The following CTNND2 variants were observed in gnomAD, a reference collection of about 807,000 sequenced individuals.
The protein encoded by CTNND2 is catenin delta 2, also known as catenin delta-2.
Under a neutral mutation model 144.4 loss-of-function variants are expected in CTNND2, and 22 were observed. The observed-to-expected ratio is 0.15, with a 90% CI of 0.11 to 0.22. CTNND2 has a LOEUF of 0.22. Ranked by LOEUF, CTNND2 falls within the 10% of genes least tolerant of loss-of-function variation. The pLI is 1.00. For missense variants in CTNND2, 1,353 were observed against 1,618.8 expected, an observed-to-expected ratio of 0.84 and a Z score of 2.82; for synonymous variants, 751 against 695.6, an observed-to-expected ratio of 1.08 and a Z score of -1.25.
chr5:11,204,462 G>T lies in CTNND2; in HGVS notation c.1762-4801C>A, dbSNP rs531063204. 3.3e-5 allele frequency among the ~76,000 whole-genome samples: 5 copies of T among 152,274 alleles called. No homozygotes were observed. The South Asian group carries it at 6.2e-4, about 19-fold the overall frequency. ...ATCTTCCTTGTTTTTTCCTTAAAAGGTAGAATATATCTAAGCCTTTCAAAT... is the reference window on the plus strand; with the variant it reads ...ATCTTCCTTGTTTTTTCCTTAAAAGTTAGAATATATCTAAGCCTTTCAAAT... On this transcript the variant is annotated intron_variant, in intron 10 of 21. Coordinates refer to ENST00000304623, the MANE Select transcript of CTNND2 (RefSeq NM_001332.4).
chr5:11,535,840 A>C (rs1176512287), intron 3 of CTNND2, among the ~76,000 whole-genome samples: 2 of 152,212 alleles, frequency 1.3e-5, no homozygotes, highest in East Asian at 3.9e-4. Context: ...ACTTACAACT[A>C]ATCAGGTGAC....
intron 9 of CTNND2, among the ~76,000 whole-genome samples, chr5:11,247,204 C>T (rs1743090574): frequency 6.6e-6 from 1 of 152,130 alleles, no homozygotes; most frequent in African/African-American, 2.4e-5. Context: ...GGGGCAGGAG[C>T]TGAGAGCAGT....
At chr5:11,264,145 A>G (rs1364376596) in intron 9 of CTNND2, among the ~76,000 whole-genome samples, 1 of 152,232 alleles carries the variant, frequency 6.6e-6, no homozygotes, top group Non-Finnish European at 1.5e-5. Flanking sequence ...TATCTAATAT[A>G]TAGTTTAAAA....
intron 12 of CTNND2, among the ~76,000 whole-genome samples, chr5:11,130,078 AC>A (rs752262596): frequency 1.3e-4 from 20 of 152,220 alleles, no homozygotes; most frequent in Non-Finnish European, 2.5e-4. Flanking sequence ...TATGCACCTT[AC>A]TGTCTTCTCC....
intron 18 of CTNND2, among the ~76,000 whole-genome samples, chr5:10,998,321 T>C (rs1017686218): frequency 7.2e-5 from 11 of 152,234 alleles, no homozygotes; most frequent in Middle Eastern, 6.8e-3. Flanking sequence ...CCTGTGGGTA[T>C]AGGCACTTTG....
intron 1 of CTNND2, among the ~76,000 whole-genome samples, chr5:11,769,871 C>T (rs967972729): frequency 6.6e-6 from 1 of 152,158 alleles, no homozygotes; most frequent in Non-Finnish European, 1.5e-5. Flanking sequence ...TGTTTTCCAA[C>T]CCCACTGATT....
intron 3 of CTNND2, among the ~76,000 whole-genome samples, chr5:11,457,486 C>T (rs1305974640): frequency 6.6e-6 from 1 of 152,130 alleles, no homozygotes; most frequent in Non-Finnish European, 1.5e-5. Context: ...ATTTTTAAGA[C>T]AATAAGAAAT....
intron 2 of CTNND2, among the ~76,000 whole-genome samples, chr5:11,653,292 GTAGTTCTGT>G (rs1782742176): frequency 6.6e-6 from 1 of 151,998 alleles, no homozygotes; most frequent in South Asian, 2.1e-4. Context: ...TTGCTGTGTG[GTAGTTCTGT>G]TTTTCGTTTT....
chr5:11,528,794 G>A (rs1016249495), intron 3 of CTNND2, among the ~76,000 whole-genome samples: 6 of 152,250 alleles, frequency 3.9e-5, no homozygotes, highest in African/African-American at 1.4e-4. Flanking sequence ...TCTGACAGAA[G>A]AAGGCCTTCC....
At chr5:11,574,760 G>C (rs1197766356) in intron 2 of CTNND2, among the ~76,000 whole-genome samples, 3 of 152,050 alleles carry the variant, frequency 2.0e-5, no homozygotes, top group Non-Finnish European at 4.4e-5. Context: ...ACAGAGAGGG[G>C]GTGTACACCA....
chr5:11,791,940 G>A (rs1045660304), intron 1 of CTNND2, among the ~76,000 whole-genome samples: 4 of 152,080 alleles, frequency 2.6e-5, no homozygotes, highest in African/African-American at 7.2e-5. Context: ...GTTTCACACT[G>A]GTCAAACAGG....
intron 8 of CTNND2, among the ~76,000 whole-genome samples, chr5:11,352,779 C>A (rs1202974325): frequency 1.3e-5 from 2 of 152,110 alleles, no homozygotes; most frequent in Non-Finnish European, 2.9e-5. Context: ...CACAAAGGAT[C>A]CTGCTCATTC....
intron 3 of CTNND2, among the ~76,000 whole-genome samples, chr5:11,424,241 C>T (rs904135143): frequency 3.3e-5 from 5 of 152,170 alleles, no homozygotes; most frequent in East Asian, 1.9e-4. Flanking sequence ...AAGGGAATTG[C>T]GCTGAGTGAA....
intron 9 of CTNND2, among the ~76,000 whole-genome samples, chr5:11,335,367 A>C (rs1753635969): frequency 6.6e-6 from 1 of 152,206 alleles, no homozygotes; most frequent in Non-Finnish European, 1.5e-5. Flanking sequence ...CCTGCTTTGT[A>C]AGACAATAAA....
chr5:11,228,253 G>A (rs1740577751), intron 10 of CTNND2, among the ~76,000 whole-genome samples: 2 of 146,160 alleles, frequency 1.4e-5, no homozygotes, highest in South Asian at 4.4e-4. Context: ...GCTGAGGCAG[G>A]AGAATCACTT....
At chr5:11,826,346 G>GT (rs1314164320) in intron 1 of CTNND2, among the ~76,000 whole-genome samples, 1 of 151,670 alleles carries the variant, frequency 6.6e-6, no homozygotes, top group Non-Finnish European at 1.5e-5. Flanking sequence ...AAAAATAAAA[G>GT]AAAGAGCTAG....
At chr5:11,240,124 C>T (rs112458750) in intron 9 of CTNND2, among the ~76,000 whole-genome samples, 3 of 141,990 alleles carry the variant, frequency 2.1e-5, no homozygotes, top group Non-Finnish European at 4.6e-5. Flanking sequence ...ACACACACAC[C>T]CCCAACACAC....
chr5:11,708,274 C>T (rs1785829530), intron 2 of CTNND2, among the ~76,000 whole-genome samples: 1 of 151,918 alleles, frequency 6.6e-6, no homozygotes, highest in African/African-American at 2.4e-5. Context: ...AAACCCATTG[C>T]AGAGTAATAA....
intron 15 of CTNND2, among the ~76,000 whole-genome samples, chr5:11,087,378 T>C (rs1465428790): frequency 1.3e-5 from 2 of 152,246 alleles, no homozygotes; most frequent in African/African-American, 4.8e-5. Context: ...CGGCATGGCT[T>C]TTGCTGTATG....
Sources: allele counts gnomAD v4.1 joint callset (sites outside exome capture counted in the v4.1 genomes callset), GRCh38; gene constraint gnomAD v4.1.1; transcripts MANE v1.5; gene names NCBI Gene and HGNC (gene_info 2026-07-23, HGNC 2026-07-21).